The following OPCML variants were observed in gnomAD, a reference collection of about 807,000 sequenced individuals.
OPCML encodes opioid-binding protein/cell adhesion molecule.
In OPCML, 13 loss-of-function variants were observed where a neutral mutation model predicts 37.8. The observed-to-expected ratio is 0.34, with a 90% CI of 0.22 to 0.55. The LOEUF is 0.55. Ranked by LOEUF, OPCML falls within the 20% of genes least tolerant of loss-of-function variation. The pLI, the probability that OPCML is intolerant of heterozygous loss-of-function variation, is 0.91. For synonymous variants in OPCML, 176 were observed against 168.8 expected (o/e 1.04, Z -0.33); for missense variants, 341 against 435.6 (o/e 0.78, Z 1.93).
intron 2 of OPCML, among the ~76,000 whole-genome samples, chr11:132,795,416 T>G (rs750424425): frequency 6.6e-6 from 1 of 152,222 alleles, no homozygotes; most frequent in Non-Finnish European, 1.5e-5. Context: ...TCCTAATATA[T>G]TCACAGAAGT....
At chr11:132,822,266 A>C (rs1591655962) in intron 2 of OPCML, among the ~76,000 whole-genome samples, 1 of 149,250 alleles carries the variant, frequency 6.7e-6, no homozygotes, top group Admixed American at 6.7e-5. Context: ...TCCCTCTCCC[A>C]CCTCCCCCCA....
intron 2 of OPCML, among the ~76,000 whole-genome samples, chr11:132,771,359 G>A (rs946150972): frequency 1.3e-5 from 2 of 152,182 alleles, no homozygotes; most frequent in East Asian, 3.9e-4. Flanking sequence ...ACTGCAGGAT[G>A]CTAAGCAATA....
chr11:133,346,746 G>A (rs1020814352), intron 1 of OPCML, among the ~76,000 whole-genome samples: 1 of 152,264 alleles, frequency 6.6e-6, no homozygotes, highest in African/African-American at 2.4e-5. Context: ...TTTACCACTT[G>A]TTTGATTAAT....
chr11:132,951,475 C>T (rs1267603299), intron 1 of OPCML, among the ~76,000 whole-genome samples: 1 of 152,186 alleles, frequency 6.6e-6, no homozygotes, highest in Admixed American at 6.5e-5. Context: ...TAACTTTAAT[C>T]ACCTCCTAAA....
intron 1 of OPCML, among the ~76,000 whole-genome samples, chr11:133,232,960 G>A (rs1020784479): frequency 3.9e-5 from 6 of 152,172 alleles, no homozygotes; most frequent in Non-Finnish European, 8.8e-5. Context: ...CAGGGGTGCT[G>A]TTTGACTCCA....
chr11:133,232,403 C>A, intron 1 of OPCML, among the ~76,000 whole-genome samples: 1 of 152,134 alleles, frequency 6.6e-6, no homozygotes, highest in Non-Finnish European at 1.5e-5. Flanking sequence ...AGAGGTAGAA[C>A]TATGTCATAG....
intron 4 of OPCML, among the ~76,000 whole-genome samples, chr11:132,528,592 G>C (rs192828422): frequency 6.6e-6 from 1 of 152,262 alleles, no homozygotes; most frequent in East Asian, 1.9e-4. Context: ...TCCACTCAAG[G>C]TGAACTATTT....
chr11:132,509,900 T>C (rs1591482517), intron 4 of OPCML, among the ~76,000 whole-genome samples: 1 of 152,150 alleles, frequency 6.6e-6, no homozygotes, highest in Non-Finnish European at 1.5e-5. Context: ...AGAAGAGGGC[T>C]ACTGTCCTTC....
intron 1 of OPCML, among the ~76,000 whole-genome samples, chr11:133,286,802 C>T (rs1358583431): frequency 1.3e-5 from 2 of 152,122 alleles, no homozygotes; most frequent in African/African-American, 4.8e-5. Context: ...AAAAGGGCTA[C>T]AGAAAACCAT....
At chr11:133,310,974 A>G (rs1290122739) in intron 1 of OPCML, among the ~76,000 whole-genome samples, 3 of 152,232 alleles carry the variant, frequency 2.0e-5, no homozygotes, top group Non-Finnish European at 2.9e-5. Context: ...ACTATTTGAG[A>G]AAATAGAGCT....
At chr11:132,463,367 G>A (rs2136920741) in intron 4 of OPCML, among the ~76,000 whole-genome samples, 1 of 152,298 alleles carries the variant, frequency 6.6e-6, no homozygotes, top group East Asian at 1.9e-4. Flanking sequence ...CCTAGAGTGG[G>A]CGCCTGGACA....
At chr11:132,693,989 C>T (rs1228836716) in intron 2 of OPCML, among the ~76,000 whole-genome samples, 3 of 151,852 alleles carry the variant, frequency 2.0e-5, no homozygotes, top group Admixed American at 6.6e-5. Context: ...TTTATTATAC[C>T]AGATTGGTTC....
At chr11:133,403,977 T>C (rs1461661552) in intron 1 of OPCML, among the ~76,000 whole-genome samples, 2 of 152,198 alleles carry the variant, frequency 1.3e-5, no homozygotes, top group Non-Finnish European at 2.9e-5. Flanking sequence ...CTTTGAACCA[T>C]AGACATTTAT....
intron 1 of OPCML, chr11:133,361,695 C>A (rs1403062747): frequency 6.4e-6 from 1 of 157,384 alleles, no homozygotes; most frequent in East Asian, 1.9e-4. Context: ...TTCCCGCCCC[C>A]ATAAGCGCCT....
chr11:132,695,910 G>A (rs140691591), intron 2 of OPCML, among the ~76,000 whole-genome samples: 280 of 152,174 alleles, frequency 1.8e-3, no homozygotes, highest in African/African-American at 6.4e-3. Flanking sequence ...GACAGAATTC[G>A]GAGTGGCTTG....
chr11:133,389,576 T>C (rs923641533), intron 1 of OPCML, among the ~76,000 whole-genome samples: 1 of 152,190 alleles, frequency 6.6e-6, no homozygotes, highest in African/African-American at 2.4e-5. Flanking sequence ...CAGGTGGTAA[T>C]TATTATTATT....
chr11:132,613,412 C>T (rs903455760), intron 3 of OPCML, among the ~76,000 whole-genome samples: 2 of 152,338 alleles, frequency 1.3e-5, no homozygotes, highest in Middle Eastern at 3.4e-3. Context: ...GTTGCAAGAA[C>T]TGCATAAACT....
rs73587603 is a variant in OPCML at position 133,467,462 on chromosome 11, T to C, written c.61+64802A>G. Among the ~76,000 whole-genome samples, 1,343 of 152,314 alleles carry C rather than the reference T, an allele frequency of 8.8e-3. 15 individuals are homozygous for C. Among genetic ancestry groups the C allele is most frequent in the African/African-American group, 0.03 (1,262 of 41,556 alleles). ...TAAATTGCATGTGTTTGTATACTTA[T>C]AGTTATTTATCATTTTGGCAGTTAG... On this transcript the variant is annotated intron_variant, in intron 1 of 7. Coordinates refer to ENST00000524381, the MANE Select transcript of OPCML (RefSeq NM_001012393.5).
At chr11:132,983,703 A>G (rs78575779) in intron 1 of OPCML, among the ~76,000 whole-genome samples, 10,566 of 152,254 alleles carry the variant, frequency 0.069, 597 homozygotes, top group East Asian at 0.23. Context: ...ATCATCCAGG[A>G]AAGTTATTTA....
Sources: allele counts gnomAD v4.1 joint callset (sites outside exome capture counted in the v4.1 genomes callset), GRCh38; gene constraint gnomAD v4.1.1; transcripts MANE v1.5; gene names NCBI Gene and HGNC (gene_info 2026-07-23, HGNC 2026-07-21).